Variants in MACROD2 observed in about 807,000 individuals in gnomAD.
MACROD2 encodes the protein ADP-ribose glycohydrolase MACROD2.
MACROD2 carries 36 observed loss-of-function variants against 70.4 expected under a neutral mutation model. The observed-to-expected ratio is 0.51, with a 90% confidence interval of 0.39 to 0.68. The LOEUF (loss-of-function observed/expected upper bound fraction) is 0.68. Among genes scored for constraint, MACROD2 ranks in the 30% least tolerant of loss-of-function variants. The pLI is 0.00. For synonymous variants in MACROD2, 172 were observed against 178.8 expected (o/e 0.96, Z 0.30); for missense variants, 496 against 538.4 (o/e 0.92, Z 0.78).
intron 5 of MACROD2, among the ~76,000 whole-genome samples, chr20:14,702,973 C>A (rs1204904014): frequency 1.3e-5 from 2 of 151,736 alleles, no homozygotes; most frequent in Non-Finnish European, 2.9e-5. Context: ...CGTGATCTGC[C>A]CGCCTTGGTC....
At chr20:14,202,192 G>A (rs1023774931) in intron 3 of MACROD2, among the ~76,000 whole-genome samples, 2 of 152,014 alleles carry the variant, frequency 1.3e-5, no homozygotes, top group Non-Finnish European at 2.9e-5. Context: ...TAATGATTTG[G>A]CAGTGTTGAA....
intron 6 of MACROD2, among the ~76,000 whole-genome samples, chr20:15,425,465 A>G (rs73270944): frequency 2.9e-4 from 44 of 152,336 alleles, no homozygotes; most frequent in African/African-American, 1.0e-3. Flanking sequence ...AGTCAGTGAA[A>G]TGTGATATAT....
chr20:14,490,420 T>C (rs150925954), intron 3 of MACROD2, among the ~76,000 whole-genome samples: 1 of 152,294 alleles, frequency 6.6e-6, no homozygotes, highest in Non-Finnish European at 1.5e-5. Context: ...AAAAGTGCAA[T>C]ACACAGATTC....
chr20:15,020,278 A>G (rs2075155053), intron 5 of MACROD2, among the ~76,000 whole-genome samples: 1 of 152,180 alleles, frequency 6.6e-6, no homozygotes, highest in South Asian at 2.1e-4. Flanking sequence ...TTTTCCTGGG[A>G]TACTTCTATC....
At chr20:15,301,132 C>G (rs1167183484) in intron 6 of MACROD2, among the ~76,000 whole-genome samples, 1 of 152,220 alleles carries the variant, frequency 6.6e-6, no homozygotes, top group Non-Finnish European at 1.5e-5. Context: ...ATTCGCCTGC[C>G]TTACTGGCCC....
At chr20:15,219,025 G>A (rs1452121108) in intron 5 of MACROD2, among the ~76,000 whole-genome samples, 1 of 151,646 alleles carries the variant, frequency 6.6e-6, no homozygotes, top group Non-Finnish European at 1.5e-5. Flanking sequence ...CAGCCTGGGC[G>A]ACAGAGCGAG....
chr20:15,471,516 A>C (rs757307749), intron 7 of MACROD2, among the ~76,000 whole-genome samples: 2 of 152,312 alleles, frequency 1.3e-5, no homozygotes, highest in East Asian at 3.9e-4. Flanking sequence ...CTCAAAAAAA[A>C]CTTTATGTTT....
chr20:15,207,031 C>T (rs566568823), intron 5 of MACROD2, among the ~76,000 whole-genome samples: 5 of 152,200 alleles, frequency 3.3e-5, no homozygotes, highest in East Asian at 1.9e-4. Context: ...CCACCGCGCC[C>T]GGCCCATATT....
intron 5 of MACROD2, among the ~76,000 whole-genome samples, chr20:15,136,449 C>T (rs1239659883): frequency 5.3e-5 from 8 of 152,188 alleles, no homozygotes; most frequent in East Asian, 3.9e-4. Flanking sequence ...CTGAGAAAAA[C>T]GAGCAATGGG....
intron 3 of MACROD2, among the ~76,000 whole-genome samples, chr20:14,292,180 A>G (rs538637192): frequency 6.6e-6 from 1 of 152,030 alleles, no homozygotes; most frequent in South Asian, 2.1e-4. Context: ...ACTGAAGACA[A>G]TTCTCTGTAG....
intron 5 of MACROD2, among the ~76,000 whole-genome samples, chr20:14,720,213 C>T (rs2123682061): frequency 6.6e-6 from 1 of 152,230 alleles, no homozygotes; most frequent in Non-Finnish European, 1.5e-5. Flanking sequence ...GGTCTGTTAA[C>T]CTAAATGATC....
chr20:15,604,796 T>C (rs928692043), intron 8 of MACROD2, among the ~76,000 whole-genome samples: 2 of 152,206 alleles, frequency 1.3e-5, no homozygotes, highest in African/African-American at 4.8e-5. Flanking sequence ...ATTAACTCCT[T>C]AGTAACTGGT....
chr20:14,408,068 C>T (rs2083710697), intron 3 of MACROD2, among the ~76,000 whole-genome samples: 1 of 152,120 alleles, frequency 6.6e-6, no homozygotes, highest in Non-Finnish European at 1.5e-5. Context: ...TGTAACTTAT[C>T]TGTGCCTTAG....
chr20:14,123,206 TTTAAA>T (rs2054606613), intron 3 of MACROD2, among the ~76,000 whole-genome samples: 1 of 152,208 alleles, frequency 6.6e-6, no homozygotes, highest in South Asian at 2.1e-4. Flanking sequence ...GTTACAAAAC[TTTAAA>T]TTATTTATAG....
intron 4 of MACROD2, among the ~76,000 whole-genome samples, chr20:14,603,081 G>T (rs1982594200): frequency 6.6e-6 from 1 of 152,122 alleles, no homozygotes; most frequent in Admixed American, 6.6e-5. Context: ...TTAGGAAATT[G>T]GTTGCTGATT....
chr20:14,302,041 A>G (rs1161805743), intron 3 of MACROD2, among the ~76,000 whole-genome samples: 2 of 152,220 alleles, frequency 1.3e-5, no homozygotes, highest in Non-Finnish European at 2.9e-5. Flanking sequence ...TTCTGTTGCT[A>G]TATAATTACT....
At chr20:15,735,703 T>G (rs146121474) in intron 8 of MACROD2, among the ~76,000 whole-genome samples, 1 of 152,196 alleles carries the variant, frequency 6.6e-6, no homozygotes, top group Admixed American at 6.5e-5. Context: ...TGTTTCCATT[T>G]CCTATCTTTG....
intron 5 of MACROD2, among the ~76,000 whole-genome samples, chr20:14,785,025 A>G (rs1159064499): frequency 6.6e-6 from 1 of 151,982 alleles, no homozygotes; most frequent in Non-Finnish European, 1.5e-5. Context: ...TGTAAAAAAC[A>G]TTTTCTCCTT....
At chr20:14,370,897 T>G (rs2083316183) in intron 3 of MACROD2, among the ~76,000 whole-genome samples, 1 of 152,194 alleles carries the variant, frequency 6.6e-6, no homozygotes, top group Admixed American at 6.5e-5. Context: ...AGTGTAAATG[T>G]GCAGATGAAA....
Sources: gnomAD v4.1 joint callset for allele counts (sites outside exome capture counted in the v4.1 genomes callset) on GRCh38, gnomAD v4.1.1 for gene constraint, MANE v1.5 for transcripts, NCBI Gene and HGNC (gene_info 2026-07-23, HGNC 2026-07-21) for gene names.